CADPS2: variants seen among roughly 807,000 people sequenced by gnomAD.
CADPS2 encodes calcium-dependent secretion activator 2.
CADPS2 carries 93 observed loss-of-function variants against 172.5 expected under a neutral mutation model. The ratio of observed to expected loss-of-function variants is 0.54; its 90% CI spans 0.46 to 0.64. The LOEUF is 0.64. CADPS2 is among the 30% of genes least tolerant of loss of function. CADPS2 has a pLI of 0.00. For missense variants in CADPS2, 1,420 were observed against 1,565.9 expected (o/e 0.91, Z 1.57); for synonymous variants, 546 against 555.2 (o/e 0.98, Z 0.23).
chr7:122,431,819 G>A (rs2049959847), intron 17 of CADPS2, among the ~76,000 whole-genome samples: 1 of 147,714 alleles, frequency 6.8e-6, no homozygotes, highest in Non-Finnish European at 1.5e-5. Flanking sequence ...TGAAACCCCG[G>A]CTCTACTAAA....
intron 2 of CADPS2, among the ~76,000 whole-genome samples, chr7:122,701,482 C>T (rs7789166): frequency 0.67 from 100,798 of 151,340 alleles, 34,370 homozygotes; most frequent in Middle Eastern, 0.84. Flanking sequence ...GGAGATATAC[C>T]TAATGTTAAA....
intron 5 of CADPS2, among the ~76,000 whole-genome samples, chr7:122,618,900 C>T (rs1207162640): frequency 1.3e-5 from 2 of 152,118 alleles, no homozygotes; most frequent in Non-Finnish European, 2.9e-5. Flanking sequence ...ATACTGTGGA[C>T]ATTGAGAACA....
intron 1 of CADPS2, among the ~76,000 whole-genome samples, chr7:122,872,948 T>C (rs963034139): frequency 6.6e-6 from 1 of 152,098 alleles, no homozygotes; most frequent in Non-Finnish European, 1.5e-5. Flanking sequence ...TCCTGCCCTT[T>C]GAATCAGAAT....
intron 2 of CADPS2, chr7:122,702,520 AAGTGCCAC>A: frequency 6.2e-7 from 1 of 1,613,640 alleles, no homozygotes; most frequent in African/African-American, 1.3e-5. Context: ...ATCCTTCAGG[AAGTGCCAC>A]CACACCAGAC....
In CADPS2 at chr7:122,393,422, C is replaced by A; in HGVS notation, c.2888+19G>T. ...GTTGAAGAGGCAGGTGCTCTACGGACACTAGGTAAGATACCTACTTGACAG... is the reference window on the plus strand; with the variant it reads ...GTTGAAGAGGCAGGTGCTCTACGGAAACTAGGTAAGATACCTACTTGACAG... On this transcript the variant is annotated intron_variant, in intron 21 of 29. Coordinates refer to ENST00000449022, the MANE Select transcript of CADPS2 (RefSeq NM_017954.11). The A allele has an allele frequency of 6.2e-7, 1 of 1,613,546 alleles. No homozygotes were observed. The highest frequency in any genetic ancestry group is 8.5e-7 in the Non-Finnish European group (1 of 1,179,642).
At chr7:122,770,734 T>C (rs919121052) in intron 1 of CADPS2, among the ~76,000 whole-genome samples, 2 of 152,144 alleles carry the variant, frequency 1.3e-5, no homozygotes, top group African/African-American at 4.8e-5. Flanking sequence ...GGTGCCTGCA[T>C]TATAGATGGC....
Position 122,705,958 on chromosome 7 carries a change from A to ATTATAT in CADPS2, c.453+30996_453+30997insATATAA, listed in dbSNP as rs374181164. Among the ~76,000 whole-genome samples, 6 of 20,978 alleles carry ATTATAT rather than the reference A, an allele frequency of 2.9e-4. 2 individuals are homozygous for ATTATAT. Among genetic ancestry groups the ATTATAT allele is most frequent in the African/African-American group, 1.5e-3 (6 of 3,890 alleles). The allele number at this position is 20,978 out of a possible 152,430, so 13.8% of individuals were successfully genotyped here. A position where few individuals can be genotyped will look rare whatever the true frequency, so the allele number is the denominator to read the frequency against. ...TATTATATAATATAATATATAATATATATATAATATAATATAATATATAAT... is the reference window on the plus strand; with the variant it reads ...TATTATATAATATAATATATAATATATTATATTATATAATATAATATAATATATAAT... On this transcript the variant is annotated intron_variant, in intron 2 of 29. Coordinates refer to ENST00000449022, the MANE Select transcript of CADPS2 (RefSeq NM_017954.11).
At chr7:122,746,996 A>G (rs1026882704) in intron 1 of CADPS2, among the ~76,000 whole-genome samples, 1 of 152,104 alleles carries the variant, frequency 6.6e-6, no homozygotes, top group African/African-American at 2.4e-5. Flanking sequence ...CTGAGAGTGA[A>G]AAGGACCATG....
rs777907005 is a variant in CADPS2, at chr7:122,320,353, T to TA, written c.3718-16dup. ...CTGTAGGTTTTCTGAAGAAAGAAGA[T>TA]AAAATTTGCTTAGCTCACTTAGATT... is the stretch of plus-strand genomic sequence containing the variant. On this transcript the variant is annotated splice_polypyrimidine_tract_variant and intron_variant, in intron 29 of 29. Coordinates refer to ENST00000449022, the MANE Select transcript of CADPS2 (RefSeq NM_017954.11). 2.5e-6 allele frequency: 4 copies of TA among 1,576,796 alleles called. No homozygotes were observed. Among genetic ancestry groups the TA allele is most frequent in the South Asian group, 1.2e-5 (1 of 85,408 alleles).
chr7:122,725,322 G>A (rs1267875859), intron 2 of CADPS2, among the ~76,000 whole-genome samples: 1 of 151,628 alleles, frequency 6.6e-6, no homozygotes, highest in African/African-American at 2.4e-5. Flanking sequence ...CCATTTTACT[G>A]TGAAAACATC....
chr7:122,641,324 G>T (rs2077620357), intron 3 of CADPS2, among the ~76,000 whole-genome samples: 3 of 152,186 alleles, frequency 2.0e-5, no homozygotes, highest in African/African-American at 7.2e-5. Flanking sequence ...ATTTAGTTCA[G>T]AAAATATGCT....
intron 17 of CADPS2, among the ~76,000 whole-genome samples, chr7:122,431,399 A>G (rs1353893050): frequency 6.6e-6 from 1 of 152,158 alleles, no homozygotes; most frequent in African/African-American, 2.4e-5. Flanking sequence ...AGCGCTGTGG[A>G]AGAAAATAAA....
In CADPS2 at chr7:122,614,094, G is replaced by A. The variant is rs933003932; in HGVS notation, c.1223+1087C>T. On this transcript the variant is annotated intron_variant, in intron 6 of 29. Coordinates refer to ENST00000449022, the MANE Select transcript of CADPS2 (RefSeq NM_017954.11). The stretch of plus-strand genomic sequence containing the variant: ...TACAAGCAGACGGGAAAGCAAGTGC[G>A]ACACTGAGAATGGGTGGATAAGTGT... 6.6e-5 allele frequency among the ~76,000 whole-genome samples: 10 copies of A among 152,096 alleles called. No homozygotes were observed. In the East Asian group the frequency reaches 1.6e-3, roughly 24 times the overall value.
chr7:122,800,867 T>C (rs2079420), intron 1 of CADPS2, among the ~76,000 whole-genome samples: 4,244 of 152,088 alleles, frequency 0.028, 87 homozygotes, highest in East Asian at 0.11. Context: ...GGCACATGCC[T>C]GTAATCCCAG....
At chr7:122,873,962 A>G (rs1298785875) in intron 1 of CADPS2, among the ~76,000 whole-genome samples, 2 of 151,168 alleles carry the variant, frequency 1.3e-5, no homozygotes, top group Non-Finnish European at 2.9e-5. Flanking sequence ...TAAATGTATT[A>G]TTTTGAGAAG....
intron 1 of CADPS2, among the ~76,000 whole-genome samples, chr7:122,744,836 A>C (rs969137313): frequency 6.6e-6 from 1 of 152,130 alleles, no homozygotes; most frequent in African/African-American, 2.4e-5. Flanking sequence ...CAGCAAAATT[A>C]CATGTCATCA....
chr7:122,761,578 C>T (rs770294571), intron 1 of CADPS2, among the ~76,000 whole-genome samples: 4 of 151,888 alleles, frequency 2.6e-5, no homozygotes, highest in Non-Finnish European at 5.9e-5. Flanking sequence ...AAGAATCAGA[C>T]CAGCAGGACG....
At chr7:122,582,578 G>A (rs2068994326) in intron 6 of CADPS2, among the ~76,000 whole-genome samples, 1 of 151,890 alleles carries the variant, frequency 6.6e-6, no homozygotes, top group South Asian at 2.1e-4. Context: ...TAAAGCAATG[G>A]TAAAATAGGA....
At chr7:122,538,068 T>G (rs2062496212) in intron 8 of CADPS2, among the ~76,000 whole-genome samples, 1 of 151,332 alleles carries the variant, frequency 6.6e-6, no homozygotes, top group African/African-American at 2.4e-5. Flanking sequence ...CCAACCGAAG[T>G]TTCCAATCCA....
Sources: allele counts gnomAD v4.1 joint callset (sites outside exome capture counted in the v4.1 genomes callset), GRCh38; gene constraint gnomAD v4.1.1; transcripts MANE v1.5; gene names NCBI Gene and HGNC (gene_info 2026-07-23, HGNC 2026-07-21).